Variants in PLD5 observed in about 807,000 individuals in gnomAD.
PLD5 encodes the protein phospholipase D family member 5.
In PLD5, 36 loss-of-function variants were observed where a neutral mutation model predicts 61.1. The ratio of observed to expected loss-of-function variants is 0.59; its 90% CI spans 0.45 to 0.78. PLD5 has a LOEUF of 0.78. Ranked by LOEUF, PLD5 falls within the 30% of genes least tolerant of loss-of-function variation. The probability of loss-of-function intolerance (pLI) is 0.00; values close to 1 mark genes in which losing one functional copy is unlikely to be tolerated. For synonymous variants in PLD5, 243 were observed against 242.8 expected, an observed-to-expected ratio of 1.00 and a Z score of -0.01; for missense variants, 515 against 644.4, an observed-to-expected ratio of 0.80 and a Z score of 2.17.
intron 2 of PLD5, among the ~76,000 whole-genome samples, chr1:242,342,415 T>C (rs1235694911): frequency 6.6e-6 from 1 of 152,218 alleles, no homozygotes; most frequent in Non-Finnish European, 1.5e-5. Context: ...CTCCAATGTC[T>C]CTGCTGGTCC....
At chr1:242,362,191 A>C (rs1374284569) in intron 1 of PLD5, among the ~76,000 whole-genome samples, 1 of 152,142 alleles carries the variant, frequency 6.6e-6, no homozygotes, top group Non-Finnish European at 1.5e-5. Context: ...AGTTCTTAAA[A>C]TCTACAAAGC....
At chr1:242,466,657 C>A (rs1032599067) in intron 1 of PLD5, among the ~76,000 whole-genome samples, 1 of 152,072 alleles carries the variant, frequency 6.6e-6, no homozygotes, top group East Asian at 1.9e-4. Flanking sequence ...CTTTGATAGG[C>A]CAAGGCGGGC....
intron 5 of PLD5, among the ~76,000 whole-genome samples, chr1:242,145,519 A>C (rs542361218): frequency 3.9e-5 from 6 of 152,172 alleles, no homozygotes; most frequent in Admixed American, 6.5e-5. Context: ...TTAAGAACCC[A>C]CAACAAGAGA....
intron 4 of PLD5, among the ~76,000 whole-genome samples, chr1:242,236,665 T>A (rs1055213500): frequency 6.6e-6 from 1 of 152,224 alleles, no homozygotes; most frequent in Admixed American, 6.5e-5. Flanking sequence ...CAAAACAGAA[T>A]TTCTGAATAG....
Position 242,100,652 on chromosome 1 carries a change from C to A in PLD5, c.1354+16G>T. ...GGTGACCCCCACCCAAGGAGCTTCA[C>A]AGCCCTGACACCTACCAATATAAGC... On this transcript the variant is annotated intron_variant, in intron 9 of 9. Coordinates refer to ENST00000536534, the MANE Select transcript of PLD5 (RefSeq NM_001372062.1). 1 of 1,601,900 alleles carries A rather than the reference C, an allele frequency of 6.2e-7. No individual in the cohort carries two copies. The highest frequency in any genetic ancestry group is 8.6e-7 in the Non-Finnish European group (1 of 1,169,186).
At chr1:242,124,359 C>T (rs1662615715) in intron 6 of PLD5, 109 bp downstream of exon 6, 3 of 1,012,056 alleles carry the variant, frequency 3.0e-6, no homozygotes, top group Non-Finnish European at 4.4e-6. Flanking sequence ...GGGATAGAAC[C>T]ACTGTAATTC....
At chr1:242,343,725 C>T (rs1159122791) in intron 2 of PLD5, among the ~76,000 whole-genome samples, 1 of 150,950 alleles carries the variant, frequency 6.6e-6, no homozygotes, top group Non-Finnish European at 1.5e-5. Context: ...ATGGGTAAAA[C>T]CAGGAGTCAA....
intron 8 of PLD5, among the ~76,000 whole-genome samples, chr1:242,104,038 AT>A (rs1254841891): frequency 6.6e-6 from 1 of 152,180 alleles, no homozygotes; most frequent in Non-Finnish European, 1.5e-5. Context: ...AGTTACAAAC[AT>A]TTTATCTGAT....
At chr1:242,272,550 C>T (rs1240946970) in intron 3 of PLD5, among the ~76,000 whole-genome samples, 1 of 152,134 alleles carries the variant, frequency 6.6e-6, no homozygotes, top group Non-Finnish European at 1.5e-5. Context: ...TCATTCTCAG[C>T]TCACAATCTA....
rs955430893 is a variant in PLD5, at chr1:242,386,517, T to C, written c.190-38275A>G. 1.1e-4 allele frequency among the ~76,000 whole-genome samples: 17 copies of C among 152,236 alleles called. No homozygotes were observed. In the East Asian group the frequency reaches 2.5e-3, roughly 23 times the overall value. On this transcript the variant is annotated intron_variant, in intron 1 of 9. Coordinates refer to ENST00000536534, the MANE Select transcript of PLD5 (RefSeq NM_001372062.1). Reference sequence around the variant, plus strand: ...TGAACCCAGTCCAGTCTGCAGGCCTTCTTTCAGTTTACAGGAAGGAGAAAC... The same window carrying C: ...TGAACCCAGTCCAGTCTGCAGGCCTCCTTTCAGTTTACAGGAAGGAGAAAC...
chr1:242,106,605 A>G (rs1311081057), intron 8 of PLD5, among the ~76,000 whole-genome samples: 3 of 152,178 alleles, frequency 2.0e-5, no homozygotes, highest in Non-Finnish European at 4.4e-5. Flanking sequence ...TCCAGTCCCA[A>G]TCCAAAATGC....
At chr1:242,366,105 T>C (rs1222458010) in intron 1 of PLD5, among the ~76,000 whole-genome samples, 1 of 152,198 alleles carries the variant, frequency 6.6e-6, no homozygotes, top group Non-Finnish European at 1.5e-5. Flanking sequence ...AGCATTATAT[T>C]GATACAAGAA....
In PLD5 at chr1:242,088,469, G is replaced by A. The variant is rs1659575991; in HGVS notation, c.*1385C>T. ...GCTTAGCATTTATATAGGTTCTTTT[G>A]ATTTCAAAACAAGTTATAAATATTT... On this transcript the variant is annotated 3_prime_UTR_variant, in exon 10 of 10. Coordinates refer to ENST00000536534, the MANE Select transcript of PLD5 (RefSeq NM_001372062.1). 1 of 152,078 alleles carries A rather than the reference G, an allele frequency of 6.6e-6. No individual in the cohort carries two copies. The highest frequency in any genetic ancestry group is 2.4e-5 in the African/African-American group (1 of 41,420). 9.4% of individuals were successfully genotyped at this position (152,078 alleles called of 1,614,324 possible).
At chr1:242,469,226 T>A (rs12119939) in intron 1 of PLD5, among the ~76,000 whole-genome samples, 28,074 of 152,250 alleles carry the variant, frequency 0.18, 3,137 homozygotes, top group Non-Finnish European at 0.25. Context: ...TTAGTAGGTA[T>A]GCCAAATTGA....
At chr1:242,324,345 A>C (rs2149191989) in intron 2 of PLD5, among the ~76,000 whole-genome samples, 1 of 152,358 alleles carries the variant, frequency 6.6e-6, no homozygotes, top group Middle Eastern at 3.4e-3. Flanking sequence ...TTGCACGCTA[A>C]GCAAAAGTGA....
At chr1:242,372,258 C>T (rs2342266) in intron 1 of PLD5, among the ~76,000 whole-genome samples, 14,162 of 152,154 alleles carry the variant, frequency 0.093, 697 homozygotes, top group African/African-American at 0.12. Flanking sequence ...ACAGCTATTT[C>T]CACACACCAG....
intron 1 of PLD5, among the ~76,000 whole-genome samples, chr1:242,464,556 T>C (rs755512429): frequency 6.6e-6 from 1 of 152,236 alleles, no homozygotes; most frequent in East Asian, 1.9e-4. Flanking sequence ...TCTCTCATTC[T>C]GGTGAGACTA....
At chr1:242,301,672 A>T (rs1478692880) in intron 2 of PLD5, among the ~76,000 whole-genome samples, 1 of 152,092 alleles carries the variant, frequency 6.6e-6, no homozygotes, top group Non-Finnish European at 1.5e-5. Flanking sequence ...TGGTTAACGG[A>T]TCACATATAT....
chr1:242,261,453 G>T (rs3001673), intron 4 of PLD5, among the ~76,000 whole-genome samples: 84,425 of 151,742 alleles, frequency 0.56, 24,308 homozygotes, highest in East Asian at 0.76. Flanking sequence ...TAAATAGTTT[G>T]TATACAGGAT....
Sources: allele counts gnomAD v4.1 joint callset (sites outside exome capture counted in the v4.1 genomes callset), GRCh38; gene constraint gnomAD v4.1.1; transcripts MANE v1.5; gene names NCBI Gene and HGNC (gene_info 2026-07-23, HGNC 2026-07-21).